IFT88: variants seen among roughly 807,000 people sequenced by gnomAD.
IFT88 encodes the protein intraflagellar transport 88, also known as intraflagellar transport protein 88 homolog.
Under a neutral mutation model 119.5 loss-of-function variants are expected in IFT88, and 74 were observed. The ratio of observed to expected loss-of-function variants is 0.62; its 90% confidence interval spans 0.51 to 0.75. IFT88 has a LOEUF of 0.75. Ranked by LOEUF, IFT88 falls within the 30% of genes least tolerant of loss-of-function variation. IFT88 has a pLI of 0.00. For synonymous variants in IFT88, 279 were observed against 316.7 expected (o/e 0.88, Z 1.26); for missense variants, 961 against 977.7 (o/e 0.98, Z 0.23).
chr13:20,666,822 G>T lies in IFT88; in HGVS notation c.2175+3218G>T, dbSNP rs552000782. ...TTTAATCCAAACAAAAATATATAAAGAAAAAAGTGAAAATCACCTATCCCA... is the reference window on the plus strand; with the variant it reads ...TTTAATCCAAACAAAAATATATAAATAAAAAAGTGAAAATCACCTATCCCA... On this transcript the variant is annotated intron_variant, in intron 23 of 25. Transcript: ENST00000351808. Among the ~76,000 whole-genome samples, 3 of 152,036 alleles carry T rather than the reference G, an allele frequency of 2.0e-5. No individual in the cohort carries two copies. In the South Asian group the frequency reaches 6.2e-4, roughly 32 times the overall value.
chr13:20,633,800 A>G (rs756399270), intron 16 of IFT88, among the ~76,000 whole-genome samples: 1 of 152,120 alleles, frequency 6.6e-6, no homozygotes, highest in Non-Finnish European at 1.5e-5. Flanking sequence ...GTTTTATATG[A>G]TATGTAGTTG....
intron 2 of IFT88, among the ~76,000 whole-genome samples, chr13:20,579,126 T>C (rs988301395): frequency 2.6e-5 from 4 of 152,242 alleles, no homozygotes; most frequent in Admixed American, 2.0e-4. Flanking sequence ...GTTTTTCTTC[T>C]TTTTTGATGT....
In IFT88 at chr13:20,649,618, A is replaced by G. The variant is rs532140580; in HGVS notation, c.1950-4258A>G. ...AAGGAAGAGCACTTTAAACCCAAAG[A>G]TAGCAGCAGGAAGGAAATAATAAAG... On this transcript the variant is annotated intron_variant, in intron 20 of 25. Coordinates refer to ENST00000351808, the MANE Select transcript of IFT88 (RefSeq NM_006531.5). Among the ~76,000 whole-genome samples, 4 of 152,260 alleles carry G rather than the reference A, an allele frequency of 2.6e-5. No individual in the cohort carries two copies. The South Asian group carries it at 8.3e-4, about 32-fold the overall frequency.
intron 1 of IFT88, among the ~76,000 whole-genome samples, chr13:20,570,704 A>G (rs2036176138): frequency 6.6e-6 from 1 of 151,966 alleles, no homozygotes; most frequent in South Asian, 2.1e-4. Flanking sequence ...GGGGAAAGGG[A>G]AGGGAGGCAT....
At chr13:20,670,952 C>G in intron 23 of IFT88, 21 bp from the exon 24 acceptor site, 1 of 1,606,086 alleles carries the variant, frequency 6.2e-7, no homozygotes, top group Non-Finnish European at 8.5e-7. Flanking sequence ...TTCTTTTAAA[C>G]TTGTCTTCTC....
At position 20,607,542 on chromosome 13, in the gene IFT88, C is replaced by A. The variant is rs141972762; in HGVS notation, c.1112+2437C>A. 3.1e-3 allele frequency: 2,205 copies of A among 711,436 alleles called. 33 individuals are homozygous for A. The African/African-American group carries it at 0.033, about 11-fold the overall frequency. 44.1% of individuals were successfully genotyped at this position (711,436 alleles called of 1,614,324 possible). On this transcript the variant is annotated intron_variant, in intron 13 of 25. Transcript: ENST00000351808. ...GGCCGCCACGCTGTGCTTCTTGTTTCAGAACATTTTCTCCAAAAAGATCTT... is the reference window on the plus strand; with the variant it reads ...GGCCGCCACGCTGTGCTTCTTGTTTAAGAACATTTTCTCCAAAAAGATCTT...
At chr13:20,677,789 G>T (rs954090854) in intron 24 of IFT88, among the ~76,000 whole-genome samples, 1 of 152,150 alleles carries the variant, frequency 6.6e-6, no homozygotes, top group African/African-American at 2.4e-5. Flanking sequence ...CTTTTACAAA[G>T]TGTCTAATGG....
Position 20,597,061 on chromosome 13 carries a change from T to C in IFT88, c.536T>C (p.Val179Ala). The change falls in exon 9 of 26, where the codon GTG becomes GCG. Residue 179 changes from valine (V) to alanine (A), a missense_variant. By Grantham distance (64) the Val-to-Ala change is moderately conservative. Coordinates refer to ENST00000351808, the MANE Select transcript of IFT88 (RefSeq NM_006531.5). ...GCAGGAAGAAAAGAGAGAGTCCTGG[T>C]GAGACAGCGAGAACAAGTTACAACT... ...KDAGRKERVL[V>A]RQREQVTTPE... is the part of the protein sequence containing the mutation. 6.2e-7 allele frequency: 1 copy of C among 1,609,012 alleles called. No homozygotes were observed. Among genetic ancestry groups the C allele is most frequent in the Admixed American group, 1.7e-5 (1 of 59,468 alleles).
In IFT88 at chr13:20,589,818, C is replaced by T; in HGVS notation, c.161C>T (p.Ala54Val). 6.3e-7 allele frequency: 1 copy of T among 1,598,010 alleles called. No homozygotes were observed. Among genetic ancestry groups the T allele is most frequent in the South Asian group, 1.1e-5 (1 of 88,576 alleles). Reference sequence around the variant, plus strand: ...TTCTTTTTCCTCCCCAAGATAACTGCTAAAATATCAAGCACGGCAGTTACT... The same window carrying T: ...TTCTTTTTCCTCCCCAAGATAACTGTTAAAATATCAAGCACGGCAGTTACT... Reference protein sequence around the residue: ...TSHGRRPPITAKISSTAVTRP... With the variant: ...TSHGRRPPITVKISSTAVTRP... Residue 54 changes from alanine (A) to valine (V), a missense_variant, in exon 4 of 26, where the codon GCT becomes GTT. By Grantham distance (64) the Ala-to-Val change is moderately conservative. Coordinates refer to ENST00000351808, the MANE Select transcript of IFT88 (RefSeq NM_006531.5).
At chr13:20,640,162 C>T (rs1041095989) in intron 17 of IFT88, among the ~76,000 whole-genome samples, 1 of 152,086 alleles carries the variant, frequency 6.6e-6, no homozygotes, top group African/African-American at 2.4e-5. Context: ...CCCTTCTTAA[C>T]TCAAGATTAT....
chr13:20,578,358 CTTTTTTTTTTTT>C (rs1158499742), intron 2 of IFT88, among the ~76,000 whole-genome samples: 4 of 78,758 alleles, frequency 5.1e-5, no homozygotes, highest in African/African-American at 1.6e-4. Flanking sequence ...AGTCTTGTTA[CTTTTTTTTTTTT>C]TTTTTTTTTT....
Position 20,690,806 on chromosome 13 carries a change from A to G in IFT88, c.2344A>G (p.Lys782Glu), listed in dbSNP as rs1372765748. The G allele has an allele frequency of 6.2e-7, 1 of 1,610,094 alleles. No individual in the cohort carries two copies. Among genetic ancestry groups the G allele is most frequent in the East Asian group, 2.2e-5 (1 of 44,862 alleles). ...TNEPYESSSN[K>E]EIDASYVDPL... ...TGAACCTTATGAAAGTAGCAGTAAC[A>G]AAGAAATAGGCAAGTACTCTCCACC... Residue 782 changes from lysine (K) to glutamate (E), a missense_variant, in exon 25 of 26, where the codon AAA (lysine) becomes GAA (glutamate). Coordinates refer to ENST00000351808, the MANE Select transcript of IFT88 (RefSeq NM_006531.5).
chr13:20,589,073 C>T (rs999019179), intron 3 of IFT88, among the ~76,000 whole-genome samples: 1 of 152,178 alleles, frequency 6.6e-6, no homozygotes, highest in African/African-American at 2.4e-5. Context: ...GCTCACCTCT[C>T]TAGCCTTCCC....
intron 21 of IFT88, 30 bp downstream of exon 21, chr13:20,653,958 G>C (rs747321544): frequency 4.2e-6 from 6 of 1,421,030 alleles, no homozygotes; most frequent in Admixed American, 2.2e-5. Flanking sequence ...TCATTTTATA[G>C]ATATTTTGCT....
intron 15 of IFT88, among the ~76,000 whole-genome samples, chr13:20,630,622 C>T (rs1229255999): frequency 6.6e-6 from 1 of 152,078 alleles, no homozygotes; most frequent in African/African-American, 2.4e-5. Flanking sequence ...TAGTCTCAAA[C>T]TCCTGACCTC....
intron 22 of IFT88, 120 bp from the exon 23 acceptor site, chr13:20,663,378 A>T: frequency 6.5e-7 from 1 of 1,534,710 alleles, no homozygotes; most frequent in East Asian, 2.5e-5. Context: ...CAGGAGAAAA[A>T]TACTATTTGT....
chr13:20,644,795 T>A, intron 19 of IFT88, 48 bp from the exon 20 acceptor site: 2 of 794,648 alleles, frequency 2.5e-6, no homozygotes, highest in Non-Finnish European at 4.3e-6. Context: ...AAGTAAATTA[T>A]ATGTTGCCAT....
At chr13:20,627,487 T>C (rs1274753149) in intron 15 of IFT88, among the ~76,000 whole-genome samples, 2 of 151,756 alleles carry the variant, frequency 1.3e-5, no homozygotes, top group Non-Finnish European at 2.9e-5. Context: ...CTCAGCACTT[T>C]GGGAGGCCGA....
chr13:20,638,246 A>G (rs2049323251), intron 16 of IFT88, 86 bp from the exon 17 acceptor site: 2 of 691,888 alleles, frequency 2.9e-6, no homozygotes, highest in African/African-American at 1.8e-5. Context: ...AATCTCAGAA[A>G]GTCTATTTAT....
Sources: allele counts gnomAD v4.1 joint callset (sites outside exome capture counted in the v4.1 genomes callset), GRCh38; gene constraint gnomAD v4.1.1; transcripts MANE v1.5; gene names NCBI Gene and HGNC (gene_info 2026-07-23, HGNC 2026-07-21).